DSCAM: variants seen among roughly 807,000 people sequenced by gnomAD.
The protein encoded by DSCAM is cell adhesion molecule DSCAM.
A neutral mutation model predicts 217.7 loss-of-function variants in DSCAM; 47 were observed. The ratio of observed to expected loss-of-function variants is 0.22; its 90% CI spans 0.17 to 0.28. The LOEUF is 0.28. DSCAM is among the 10% of genes least tolerant of loss of function. The probability of loss-of-function intolerance (pLI) is 1.00; values close to 1 mark genes in which losing one functional copy is unlikely to be tolerated. For synonymous variants in DSCAM, 1,056 were observed against 1,015.3 expected (o/e 1.04, Z -0.76); for missense variants, 2,080 against 2,618.3 (o/e 0.79, Z 4.49).
chr21:40,343,606 T>C (rs2123609053), intron 6 of DSCAM, among the ~76,000 whole-genome samples: 1 of 152,254 alleles, frequency 6.6e-6, no homozygotes, highest in Non-Finnish European at 1.5e-5. Context: ...TTTAATGTTC[T>C]TCCAATCTTG....
intron 11 of DSCAM, among the ~76,000 whole-genome samples, chr21:40,249,851 G>A (rs1449800852): frequency 6.6e-6 from 1 of 152,180 alleles, no homozygotes; most frequent in Non-Finnish European, 1.5e-5. Flanking sequence ...GGATGAAGGA[G>A]TTAGGTGTGT....
At chr21:40,576,826 A>G (rs2076854446) in intron 3 of DSCAM, among the ~76,000 whole-genome samples, 1 of 152,074 alleles carries the variant, frequency 6.6e-6, no homozygotes, top group Admixed American at 6.6e-5. Flanking sequence ...GAATTAACTA[A>G]TAATCATAAA....
intron 14 of DSCAM, among the ~76,000 whole-genome samples, chr21:40,182,727 CGGGGGGGCTACCAG>C (rs2090836453): frequency 3.4e-4 from 1 of 2,926 alleles, no homozygotes; most frequent in Non-Finnish European, 8.1e-4. Context: ...AAACCGTGGA[CGGGGGGGCTACCAG>C]AGAAACCGTG....
chr21:40,029,320 G>A (rs143277980), intron 32 of DSCAM, among the ~76,000 whole-genome samples: 55 of 152,196 alleles, frequency 3.6e-4, no homozygotes, highest in Non-Finnish European at 7.1e-4. Context: ...CCCCACTAGT[G>A]GTAGGGAAAG....
chr21:40,157,945 C>T (rs2090497607), intron 16 of DSCAM, among the ~76,000 whole-genome samples: 1 of 152,054 alleles, frequency 6.6e-6, no homozygotes, highest in South Asian at 2.1e-4. Flanking sequence ...CCTCCCAATT[C>T]AGCCTTTGAA....
intron 1 of DSCAM, among the ~76,000 whole-genome samples, chr21:40,727,659 C>T (rs1420699604): frequency 6.6e-6 from 1 of 152,122 alleles, no homozygotes; most frequent in Non-Finnish European, 1.5e-5. Flanking sequence ...CTCCCTGGTG[C>T]CCAATGGGTC....
intron 14 of DSCAM, among the ~76,000 whole-genome samples, chr21:40,185,513 G>C (rs1395918221): frequency 1.3e-5 from 2 of 152,182 alleles, no homozygotes; most frequent in African/African-American, 2.4e-5. Flanking sequence ...TCCAGTAGGA[G>C]AGGTCTCCTG....
At chr21:40,051,359 TTAA>T (rs1461825190) in intron 30 of DSCAM, among the ~76,000 whole-genome samples, 1 of 152,210 alleles carries the variant, frequency 6.6e-6, no homozygotes, top group Non-Finnish European at 1.5e-5. Context: ...GATGCAAATA[TTAA>T]TAACAAAATC....
At position 40,276,241 on chromosome 21, in the gene DSCAM, C is replaced by G; in HGVS notation, c.2212G>C (p.Ala738Pro). 6.2e-7 allele frequency: 1 copy of G among 1,608,668 alleles called. No individual in the cohort carries two copies. Residue 738 changes from alanine (A) to proline (P), a missense_variant, in exon 11 of 33, where the codon GCC (alanine) becomes CCC (proline). Coordinates refer to ENST00000400454, the MANE Select transcript of DSCAM (RefSeq NM_001389.5). ...AGAACTTGGATTCGGCCATTTAGGG[C>G]AATTGGCTGGAACTGGGGAACCCCA... ...GAGVPQFQPI[A>P]LNGRIQVLSN...
chr21:40,225,407 C>A (rs1204257116), intron 11 of DSCAM, among the ~76,000 whole-genome samples: 3 of 152,158 alleles, frequency 2.0e-5, no homozygotes, highest in Non-Finnish European at 2.9e-5. Flanking sequence ...CCTCTCAAAA[C>A]CCCTTACCCA....
chr21:40,711,929 C>G (rs905790807), intron 1 of DSCAM, among the ~76,000 whole-genome samples: 1 of 152,186 alleles, frequency 6.6e-6, no homozygotes, highest in Admixed American at 6.5e-5. Flanking sequence ...TCAGGTAACT[C>G]AACAGGAGAC....
intron 3 of DSCAM, among the ~76,000 whole-genome samples, chr21:40,577,910 T>G (rs543405163): frequency 6.6e-6 from 1 of 152,246 alleles, no homozygotes; most frequent in African/African-American, 2.4e-5. Flanking sequence ...AATTGCATTC[T>G]TGGATGTGCT....
intron 1 of DSCAM, among the ~76,000 whole-genome samples, chr21:40,829,516 A>G (rs550643062): frequency 6.6e-6 from 1 of 152,334 alleles, no homozygotes; most frequent in East Asian, 1.9e-4. Context: ...CTGGGGCTGT[A>G]TAATCAGGTA....
At chr21:40,347,533 T>A (rs1358452280) in intron 6 of DSCAM, 137 bp downstream of exon 6, 1 of 1,173,214 alleles carries the variant, frequency 8.5e-7, no homozygotes, top group African/African-American at 1.5e-5. Context: ...GCTTGAAAAA[T>A]TAGGGTAGAG....
intron 3 of DSCAM, among the ~76,000 whole-genome samples, chr21:40,622,261 T>C (rs140866701): frequency 7.2e-6 from 1 of 138,832 alleles, no homozygotes; most frequent in African/African-American, 2.6e-5. Flanking sequence ...AGGATTTGAG[T>C]GTCCGCCCCA....
Position 40,286,646 on chromosome 21 carries a change from A to C in DSCAM, c.2182+9409T>G, listed in dbSNP as rs150227231. 7.3e-3 allele frequency among the ~76,000 whole-genome samples: 1,036 copies of C among 142,688 alleles called. 12 individuals are homozygous for C. The highest frequency in any genetic ancestry group is 0.016 in the South Asian group (75 of 4,686). The allele number at this position is 142,688 out of a possible 152,430, so 93.6% of individuals were successfully genotyped here. A position where few individuals can be genotyped will look rare whatever the true frequency, so the allele number is the denominator to read the frequency against. ...GCTTCTTTCCAGACTTATCTTTTGA[A>C]TGTACAACCTGCAGTGTGTTCAGCA... On this transcript the variant is annotated intron_variant, in intron 10 of 32. Coordinates refer to ENST00000400454, the MANE Select transcript of DSCAM (RefSeq NM_001389.5).
intron 3 of DSCAM, among the ~76,000 whole-genome samples, chr21:40,478,816 G>T (rs191850534): frequency 4.6e-5 from 7 of 152,172 alleles, no homozygotes; most frequent in Non-Finnish European, 2.9e-5. Flanking sequence ...TATATGCTTT[G>T]TTTTTTTCTA....
intron 1 of DSCAM, among the ~76,000 whole-genome samples, chr21:40,757,113 C>G (rs1449114201): frequency 6.6e-6 from 1 of 152,104 alleles, no homozygotes; most frequent in East Asian, 1.9e-4. Context: ...CAAGCTCCAC[C>G]TCCGGGGTTC....
At position 40,821,978 on chromosome 21, in the gene DSCAM, T is replaced by C. The variant is rs151208348; in HGVS notation, c.43+24641A>G. ...AACCTCCATGACACAAGTTTATCCA[T>C]GTAACAAATCTGCGCATGTATCCCC... On this transcript the variant is annotated intron_variant, in intron 1 of 32. Coordinates refer to ENST00000400454, the MANE Select transcript of DSCAM (RefSeq NM_001389.5). 9.2e-3 allele frequency among the ~76,000 whole-genome samples: 1,380 copies of C among 150,366 alleles called. 16 individuals carry two copies. The highest frequency in any genetic ancestry group is 0.032 in the African/African-American group (1,303 of 40,788).
Sources: gnomAD v4.1 joint callset for allele counts (sites outside exome capture counted in the v4.1 genomes callset) on GRCh38, gnomAD v4.1.1 for gene constraint, MANE v1.5 for transcripts, NCBI Gene and HGNC (gene_info 2026-07-23, HGNC 2026-07-21) for gene names.